HSD17B12: variants seen among roughly 807,000 people sequenced by gnomAD.
HSD17B12 encodes very-long-chain 3-oxoacyl-CoA reductase.
Under a neutral mutation model 39.3 loss-of-function variants are expected in HSD17B12, and 32 were observed. The ratio of observed to expected loss-of-function variants is 0.81; its 90% confidence interval spans 0.61 to 1.09. The LOEUF (loss-of-function observed/expected upper bound fraction) is 1.09, where lower values mean the gene tolerates loss of function less well. Among genes scored for constraint, HSD17B12 ranks in the 50% least tolerant of loss-of-function variants. The probability of loss-of-function intolerance (pLI) is 0.00; values close to 1 mark genes in which losing one functional copy is unlikely to be tolerated. For synonymous variants in HSD17B12, 150 were observed against 146.7 expected (o/e 1.02, Z -0.16); for missense variants, 342 against 382.9 (o/e 0.89, Z 0.89).
At chr11:43,635,666 C>A in the HSD17B12 span, among the ~76,000 whole-genome samples, 1 of 152,052 alleles carries the variant, frequency 6.6e-6, no homozygotes, top group South Asian at 2.1e-4. Context: ...GTTAGAGTAG[C>A]CAGTATCATG....
At chr11:43,699,517 T>A (rs1266119209) in intron 1 of HSD17B12, among the ~76,000 whole-genome samples, 2 of 152,296 alleles carry the variant, frequency 1.3e-5, no homozygotes, top group East Asian at 3.9e-4. Context: ...TACTAAGGAG[T>A]ATATATCCAA....
In HSD17B12 at chr11:43,720,273, T is replaced by A. The variant is rs993427879; in HGVS notation, c.161-30638T>A. ...TTATTTCTCTCTTCTCCATACTTTA[T>A]CATATGCAGCTGAAAGAAGCCAGTT... is the stretch of plus-strand genomic sequence containing the variant. On this transcript the variant is annotated intron_variant, in intron 1 of 10. Transcript: ENST00000278353. Among the ~76,000 whole-genome samples the A allele has an allele frequency of 2.6e-5, 4 of 152,234 alleles. 1 individual carries two copies. The highest frequency in any genetic ancestry group is 5.9e-5 in the Non-Finnish European group (4 of 68,038).
At chr11:43,758,337 C>T (rs1344796619) in intron 3 of HSD17B12, among the ~76,000 whole-genome samples, 1 of 152,078 alleles carries the variant, frequency 6.6e-6, no homozygotes. Flanking sequence ...TCTTGGGAGA[C>T]ACAGGCAGGA....
At chr11:43,670,683 G>A in the HSD17B12 span, among the ~76,000 whole-genome samples, 21 of 152,292 alleles carry the variant, frequency 1.4e-4, no homozygotes, top group African/African-American at 5.1e-4. Flanking sequence ...TTGAGCCCAG[G>A]AGTTGGAGAC....
At chr11:43,638,154 A>T in the HSD17B12 span, among the ~76,000 whole-genome samples, 4 of 152,198 alleles carry the variant, frequency 2.6e-5, no homozygotes, top group African/African-American at 9.7e-5. Flanking sequence ...GTTTCTCTGG[A>T]TCATCATAGA....
chr11:43,644,331 C>T, the HSD17B12 span: 2 of 152,292 alleles, frequency 1.3e-5, no homozygotes, highest in East Asian at 1.9e-4. Flanking sequence ...AGAAGGCCAC[C>T]AACAGCCCCC....
chr11:43,659,067 T>C, the HSD17B12 span, among the ~76,000 whole-genome samples: 1 of 152,182 alleles, frequency 6.6e-6, no homozygotes, highest in Non-Finnish European at 1.5e-5. Context: ...AGCTGCTTTG[T>C]TTACCTGCTC....
At chr11:43,610,277 T>C in the HSD17B12 span, among the ~76,000 whole-genome samples, 2 of 152,234 alleles carry the variant, frequency 1.3e-5, no homozygotes, top group Non-Finnish European at 2.9e-5. Context: ...ATCTTATGCA[T>C]CTACATAGTC....
chr11:43,764,644 G>A (rs1565079639), intron 3 of HSD17B12, among the ~76,000 whole-genome samples: 1 of 152,068 alleles, frequency 6.6e-6, no homozygotes, highest in Non-Finnish European at 1.5e-5. Context: ...ATGTCCTCTT[G>A]ATGAATTCAC....
the HSD17B12 span, among the ~76,000 whole-genome samples, chr11:43,557,952 G>A: frequency 1.3e-5 from 2 of 152,146 alleles, no homozygotes; most frequent in Non-Finnish European, 2.9e-5. Flanking sequence ...GTTCTATGAG[G>A]TCAGAGATCG....
chr11:43,583,812 C>T, the HSD17B12 span, among the ~76,000 whole-genome samples: 1 of 152,076 alleles, frequency 6.6e-6, no homozygotes, highest in Non-Finnish European at 1.5e-5. Context: ...TCTGGAGGCC[C>T]TATAGGAGAG....
At chr11:43,791,500 C>A (rs929746455) in intron 3 of HSD17B12, among the ~76,000 whole-genome samples, 3 of 151,672 alleles carry the variant, frequency 2.0e-5, no homozygotes. Flanking sequence ...CTACTGCACT[C>A]CAGTCTGGGT....
At chr11:43,630,914 C>T in the HSD17B12 span, among the ~76,000 whole-genome samples, 3 of 151,598 alleles carry the variant, frequency 2.0e-5, no homozygotes, top group African/African-American at 7.3e-5. Context: ...AAGCAATTCT[C>T]CTGCCTCAGC....
At chr11:43,635,936 A>T in the HSD17B12 span, among the ~76,000 whole-genome samples, 3 of 152,226 alleles carry the variant, frequency 2.0e-5, no homozygotes, top group Non-Finnish European at 2.9e-5. Context: ...TACAGAAAGG[A>T]AATATACCTC....
chr11:43,610,511 A>G, the HSD17B12 span, among the ~76,000 whole-genome samples: 1 of 152,162 alleles, frequency 6.6e-6, no homozygotes, highest in Non-Finnish European at 1.5e-5. Context: ...GAGCCAGAAA[A>G]ATATGGATTC....
At chr11:43,696,589 A>G (rs974879316) in intron 1 of HSD17B12, among the ~76,000 whole-genome samples, 1 of 152,238 alleles carries the variant, frequency 6.6e-6, no homozygotes, top group African/African-American at 2.4e-5. Flanking sequence ...TAGTTCAACC[A>G]TTGTGGAAGA....
chr11:43,670,979 A>C, the HSD17B12 span, among the ~76,000 whole-genome samples: 1 of 152,286 alleles, frequency 6.6e-6, no homozygotes, highest in South Asian at 2.1e-4. Context: ...TAGAAAAAAA[A>C]AGTGTGGGTA....
At chr11:43,600,389 A>T in the HSD17B12 span, among the ~76,000 whole-genome samples, 2 of 151,990 alleles carry the variant, frequency 1.3e-5, no homozygotes, top group African/African-American at 2.4e-5. Context: ...GCCTTTTTTA[A>T]AAATAGGGAT....
the HSD17B12 span, among the ~76,000 whole-genome samples, chr11:43,653,469 T>C: frequency 6.6e-6 from 1 of 152,258 alleles, no homozygotes; most frequent in East Asian, 1.9e-4. Context: ...GTTACATATG[T>C]ATACCTGTGC....
Sources: gnomAD v4.1 joint callset for allele counts (sites outside exome capture counted in the v4.1 genomes callset) on GRCh38, gnomAD v4.1.1 for gene constraint, MANE v1.5 for transcripts, NCBI Gene and HGNC (gene_info 2026-07-23, HGNC 2026-07-21) for gene names.